Variants in RGS6 observed in about 807,000 individuals in gnomAD.
RGS6 encodes regulator of G protein signaling 6.
RGS6 carries 30 observed loss-of-function variants against 78.5 expected under a neutral mutation model. That is an observed-to-expected ratio of 0.38 (90% CI 0.29 to 0.52). The LOEUF (loss-of-function observed/expected upper bound fraction) is 0.52. Among genes scored for constraint, RGS6 ranks in the 20% least tolerant of loss-of-function variants. The pLI is 0.85. For missense variants in RGS6, 495 were observed against 609.7 expected, an observed-to-expected ratio of 0.81 and a Z score of 1.98; for synonymous variants, 206 against 206.0, an observed-to-expected ratio of 1.00 and a Z score of 0.00.
At chr14:72,612,460 T>C in the RGS6 span, 4 of 518,702 alleles carry the variant, frequency 7.7e-6, no homozygotes, top group African/African-American at 1.9e-5. Context: ...TAATTTAGGC[T>C]TCTTCAACTA....
intron 2 of RGS6, among the ~76,000 whole-genome samples, chr14:72,135,969 G>T (rs2096432469): frequency 6.6e-6 from 1 of 152,104 alleles, no homozygotes; most frequent in Non-Finnish European, 1.5e-5. Flanking sequence ...TTTTCTTCTT[G>T]TTCCAAGGTT....
chr14:71,871,608 A>G, the RGS6 span, among the ~76,000 whole-genome samples: 1 of 152,010 alleles, frequency 6.6e-6, no homozygotes, highest in Non-Finnish European at 1.5e-5. Flanking sequence ...GATTTTTTCC[A>G]TATGGATGCT....
At chr14:72,283,357 T>C (rs545008569) in intron 2 of RGS6, among the ~76,000 whole-genome samples, 1 of 152,290 alleles carries the variant, frequency 6.6e-6, no homozygotes, top group East Asian at 1.9e-4. Flanking sequence ...CTGAGATGGT[T>C]TGGCTGTGTC....
intron 2 of RGS6, among the ~76,000 whole-genome samples, chr14:72,259,275 A>G (rs1211154437): frequency 6.6e-6 from 1 of 152,212 alleles, no homozygotes; most frequent in Non-Finnish European, 1.5e-5. Flanking sequence ...ATCAGTTAAT[A>G]TTGTAACTAT....
the RGS6 span, among the ~76,000 whole-genome samples, chr14:72,625,544 T>C: frequency 9.2e-5 from 14 of 152,304 alleles, no homozygotes; most frequent in African/African-American, 3.4e-4. Context: ...ATGGTTCTTT[T>C]TATGAGAGAA....
At chr14:72,129,049 A>G (rs61293752) in intron 2 of RGS6, among the ~76,000 whole-genome samples, 10,162 of 152,188 alleles carry the variant, frequency 0.067, 418 homozygotes, top group African/African-American at 0.11. Context: ...TTAAACTCCT[A>G]TCGATCGTTT....
chr14:71,983,555 C>T (rs977247328), intron 2 of RGS6, among the ~76,000 whole-genome samples: 1 of 152,206 alleles, frequency 6.6e-6, no homozygotes, highest in Non-Finnish European at 1.5e-5. Flanking sequence ...AGTCCCCTTT[C>T]TTGCCTCTTC....
At chr14:72,582,589 C>T in the RGS6 span, among the ~76,000 whole-genome samples, 1 of 152,014 alleles carries the variant, frequency 6.6e-6, no homozygotes, top group Non-Finnish European at 1.5e-5. Flanking sequence ...AAATGGAGTA[C>T]CTGTAGCTCA....
At chr14:72,369,541 T>C (rs2083063587) in intron 3 of RGS6, among the ~76,000 whole-genome samples, 1 of 152,162 alleles carries the variant, frequency 6.6e-6, no homozygotes, top group African/African-American at 2.4e-5. Context: ...TTAAAGTAGA[T>C]GACACAATGA....
At chr14:71,951,577 A>T (rs1186470628) in intron 1 of RGS6, among the ~76,000 whole-genome samples, 2 of 152,212 alleles carry the variant, frequency 1.3e-5, no homozygotes, top group Non-Finnish European at 2.9e-5. Context: ...ATATATAATT[A>T]AAAAGAATAG....
At chr14:72,367,382 T>G (rs972332660) in intron 3 of RGS6, among the ~76,000 whole-genome samples, 1 of 152,234 alleles carries the variant, frequency 6.6e-6, no homozygotes, top group Non-Finnish European at 1.5e-5. Flanking sequence ...AGCCTCTGTT[T>G]TAACAATCTG....
chr14:72,248,978 C>G (rs1022189341), intron 2 of RGS6, among the ~76,000 whole-genome samples: 2 of 152,160 alleles, frequency 1.3e-5, no homozygotes, highest in Non-Finnish European at 2.9e-5. Context: ...TGCAGTTTAT[C>G]CTGATAAAAC....
chr14:72,614,632 C>T, the RGS6 span, among the ~76,000 whole-genome samples: 2 of 152,210 alleles, frequency 1.3e-5, no homozygotes, highest in Non-Finnish European at 2.9e-5. Context: ...TTACTTTGCC[C>T]TCAGAAGCAT....
intron 2 of RGS6, among the ~76,000 whole-genome samples, chr14:72,133,284 A>AT (rs200722236): frequency 8.0e-5 from 12 of 150,654 alleles, no homozygotes; most frequent in Middle Eastern, 6.8e-3. Flanking sequence ...AATTCCTTCA[A>AT]TTTTTTTTTC....
chr14:72,200,315 G>A (rs1484878958), intron 2 of RGS6, among the ~76,000 whole-genome samples: 1 of 152,148 alleles, frequency 6.6e-6, no homozygotes, highest in Non-Finnish European at 1.5e-5. Context: ...CCACCCGTCC[G>A]CCCTGCTTTT....
chr14:72,597,788 A>G, the RGS6 span, among the ~76,000 whole-genome samples: 1 of 152,140 alleles, frequency 6.6e-6, no homozygotes, highest in Non-Finnish European at 1.5e-5. Context: ...GCCGTGGGAC[A>G]TTCATTTTTC....
At chr14:72,440,065 C>T (rs1281688703) in intron 3 of RGS6, among the ~76,000 whole-genome samples, 1 of 152,244 alleles carries the variant, frequency 6.6e-6, no homozygotes, top group Non-Finnish European at 1.5e-5. Flanking sequence ...TTAGCATCCA[C>T]GTGATGCTGC....
the RGS6 span, among the ~76,000 whole-genome samples, chr14:72,622,300 C>T: frequency 6.6e-6 from 1 of 151,822 alleles, no homozygotes; most frequent in African/African-American, 2.4e-5. Flanking sequence ...ACAGGACAGG[C>T]AGAGAAAAAA....
At chr14:72,268,550 G>A (rs1196736753) in intron 2 of RGS6, among the ~76,000 whole-genome samples, 1 of 152,174 alleles carries the variant, frequency 6.6e-6, no homozygotes, top group Non-Finnish European at 1.5e-5. Context: ...AGCCTGCATG[G>A]ATGTGGTTAG....
Sources: gnomAD v4.1 joint callset for allele counts (sites outside exome capture counted in the v4.1 genomes callset) on GRCh38, gnomAD v4.1.1 for gene constraint, MANE v1.5 for transcripts, NCBI Gene and HGNC (gene_info 2026-07-23, HGNC 2026-07-21) for gene names.